Variants in SCLT1 observed in about 807,000 individuals in gnomAD.
SCLT1 encodes sodium channel-associated protein 1.
A neutral mutation model predicts 112.8 loss-of-function variants in SCLT1; 78 were observed. The ratio of observed to expected loss-of-function variants is 0.69; its 90% confidence interval spans 0.58 to 0.83. The LOEUF (loss-of-function observed/expected upper bound fraction) is 0.83. SCLT1 is among the 40% of genes least tolerant of loss of function. The pLI is 0.00. For synonymous variants in SCLT1, 257 were observed against 254.7 expected (o/e 1.01, Z -0.09); for missense variants, 747 against 770.4 (o/e 0.97, Z 0.36).
intron 5 of SCLT1, among the ~76,000 whole-genome samples, chr4:129,031,002 C>T (rs1216188782): frequency 6.6e-6 from 1 of 151,754 alleles, no homozygotes; most frequent in African/African-American, 2.4e-5. Context: ...GATACCAAAA[C>T]CAGACAGAAA....
intron 9 of SCLT1, among the ~76,000 whole-genome samples, chr4:128,983,256 T>C (rs1030768661): frequency 1.3e-5 from 2 of 152,180 alleles, no homozygotes; most frequent in Non-Finnish European, 2.9e-5. Context: ...ATATAATAAA[T>C]GACAATCTTT....
At chr4:128,977,742 GT>G (rs1325014454) in intron 9 of SCLT1, among the ~76,000 whole-genome samples, 1 of 152,170 alleles carries the variant, frequency 6.6e-6, no homozygotes, top group Admixed American at 6.5e-5. Context: ...AGAGAAAAAA[GT>G]GTAAGATAAA....
intron 2 of SCLT1, among the ~76,000 whole-genome samples, chr4:129,065,145 T>G (rs575651563): frequency 6.6e-6 from 1 of 152,078 alleles, no homozygotes; most frequent in South Asian, 2.1e-4. Flanking sequence ...ATTTTGAAGC[T>G]TGAAGTTGGG....
chr4:129,061,642 G>A (rs967084991), intron 2 of SCLT1, among the ~76,000 whole-genome samples: 3 of 152,062 alleles, frequency 2.0e-5, no homozygotes, highest in Non-Finnish European at 4.4e-5. Flanking sequence ...TACCACTTTG[G>A]GTCCAGTCTG....
intron 11 of SCLT1, among the ~76,000 whole-genome samples, chr4:128,960,868 A>C (rs13127734): frequency 0.74 from 105,079 of 142,368 alleles, 39,941 homozygotes; most frequent in African/African-American, 0.94. Context: ...TGCAGTGAGC[A>C]GAGATTGCGC....
At chr4:129,039,896 GCGCGCA>G (rs1250786024) in intron 4 of SCLT1, 35 of 206,472 alleles carry the variant, frequency 1.7e-4, no homozygotes, top group East Asian at 3.7e-4. Flanking sequence ...GAGTGTGCGC[GCGCGCA>G]CACACACACA....
At position 128,959,698 on chromosome 4, in the gene SCLT1, CT is replaced by C; in HGVS notation, c.948del (p.Ala317GlnfsTer6). On this transcript the variant is annotated frameshift_variant, in exon 12 of 21. Transcript: ENST00000281142. LOFTEE classifies it high-confidence loss of function. ...TCATTTTCTAATTCATTGCACTTTG[CT>C]TGTAGCTCTCTGGTCTGTTTTTCCA... ...THLEKQTREL[Q>X]AKCNELENER... 2.5e-6 allele frequency: 4 copies of C among 1,613,500 alleles called. No homozygotes were observed. The highest frequency in any genetic ancestry group is 3.4e-6 in the Non-Finnish European group (4 of 1,179,620).
chr4:128,959,010 G>A (rs539991839), intron 12 of SCLT1, among the ~76,000 whole-genome samples: 42 of 152,204 alleles, frequency 2.8e-4, no homozygotes, highest in African/African-American at 9.9e-4. Context: ...CTCTACATAA[G>A]GGAGGCCGCA....
At chr4:128,887,010 A>G (rs1560801184) in intron 20 of SCLT1, among the ~76,000 whole-genome samples, 1 of 152,202 alleles carries the variant, frequency 6.6e-6, no homozygotes, top group African/African-American at 2.4e-5. Flanking sequence ...CACTATAGGA[A>G]ATGCTTTACA....
intron 2 of SCLT1, among the ~76,000 whole-genome samples, chr4:129,070,615 C>T (rs572787296): frequency 6.6e-6 from 1 of 152,184 alleles, no homozygotes; most frequent in East Asian, 1.9e-4. Context: ...CCTCGCGTTT[C>T]ATTTCTTAGT....
At chr4:129,061,672 G>T (rs1265521529) in intron 2 of SCLT1, among the ~76,000 whole-genome samples, 2 of 152,050 alleles carry the variant, frequency 1.3e-5, no homozygotes, top group Non-Finnish European at 2.9e-5. Flanking sequence ...GCGTGGATGG[G>T]GTGAGGGGAA....
chr4:129,053,070 C>A (rs1248783635), intron 2 of SCLT1, among the ~76,000 whole-genome samples: 2 of 151,994 alleles, frequency 1.3e-5, no homozygotes, highest in African/African-American at 4.8e-5. Flanking sequence ...AGTTCTAATT[C>A]GATTGCACTG....
chr4:128,952,161 C>T (rs190369901), intron 14 of SCLT1, among the ~76,000 whole-genome samples: 1 of 152,122 alleles, frequency 6.6e-6, no homozygotes, highest in Non-Finnish European at 1.5e-5. Flanking sequence ...AGATATGATT[C>T]ATTGCTAAAT....
At chr4:129,026,362 A>G (rs1481562649) in intron 5 of SCLT1, among the ~76,000 whole-genome samples, 1 of 152,152 alleles carries the variant, frequency 6.6e-6, no homozygotes, top group Non-Finnish European at 1.5e-5. Flanking sequence ...CTCAGACCAC[A>G]GTGCAATCAA....
At chr4:129,044,473 AT>A (rs756807764) in intron 2 of SCLT1, among the ~76,000 whole-genome samples, 3 of 151,984 alleles carry the variant, frequency 2.0e-5, no homozygotes, top group Non-Finnish European at 4.4e-5. Context: ...TAAAAAAAAA[AT>A]CAGTAGCTTT....
At chr4:128,928,234 G>A (rs1004081446) in intron 18 of SCLT1, among the ~76,000 whole-genome samples, 8 of 151,784 alleles carry the variant, frequency 5.3e-5, no homozygotes, top group Admixed American at 6.6e-5. Context: ...TAAAATATAC[G>A]AGATTACAGA....
At chr4:128,948,373 A>AAAT in intron 15 of SCLT1, 123 bp downstream of exon 15, 1 of 1,176,624 alleles carries the variant, frequency 8.5e-7, no homozygotes, top group South Asian at 2.2e-5. Flanking sequence ...AAGAAAAGAA[A>AAAT]AACTTACCAG....
At chr4:129,084,745 CA>C (rs1032524615) in intron 1 of SCLT1, among the ~76,000 whole-genome samples, 10 of 152,136 alleles carry the variant, frequency 6.6e-5, no homozygotes, top group African/African-American at 2.4e-4. Flanking sequence ...TGATCTTCAA[CA>C]AACCTGACAA....
chr4:129,006,050 A>C (rs913908053), intron 5 of SCLT1, among the ~76,000 whole-genome samples: 4 of 148,168 alleles, frequency 2.7e-5, no homozygotes, highest in African/African-American at 9.9e-5. Context: ...TAGCATTAGG[A>C]GATATACCTA....
Sources: gnomAD v4.1 joint callset for allele counts (sites outside exome capture counted in the v4.1 genomes callset) on GRCh38, gnomAD v4.1.1 for gene constraint, MANE v1.5 for transcripts, NCBI Gene and HGNC (gene_info 2026-07-23, HGNC 2026-07-21) for gene names.